The following PDE11A variants were observed in gnomAD, a reference collection of about 807,000 sequenced individuals.
PDE11A encodes the protein dual 3',5'-cyclic-AMP and -GMP phosphodiesterase 11A.
Under a neutral mutation model 100.5 loss-of-function variants are expected in PDE11A, and 100 were observed. That is an observed-to-expected ratio of 1.00 (90% CI 0.85 to 1.18). The LOEUF is 1.18. Among genes scored for constraint, PDE11A ranks in the 50% most tolerant of loss-of-function variants. The pLI is 0.00. For synonymous variants in PDE11A, 381 were observed against 420.8 expected, an observed-to-expected ratio of 0.91 and a Z score of 1.16; for missense variants, 1,141 against 1,152.6, an observed-to-expected ratio of 0.99 and a Z score of 0.15.
intron 2 of PDE11A, among the ~76,000 whole-genome samples, chr2:177,964,935 A>C (rs972939833): frequency 6.6e-6 from 1 of 152,204 alleles, no homozygotes; most frequent in African/African-American, 2.4e-5. Flanking sequence ...AAGCTCTTTG[A>C]GAAACCTCCA....
intron 2 of PDE11A, among the ~76,000 whole-genome samples, chr2:177,905,673 T>C (rs1439956422): frequency 6.6e-6 from 1 of 152,244 alleles, no homozygotes; most frequent in African/African-American, 2.4e-5. Flanking sequence ...AGCTTGATTC[T>C]AGACCTATCT....
intron 4 of PDE11A, among the ~76,000 whole-genome samples, chr2:177,889,668 TG>T (rs957636714): frequency 2.2e-5 from 3 of 139,148 alleles, no homozygotes; most frequent in African/African-American, 8.5e-5. Flanking sequence ...TATTTCTTCT[TG>T]TTTTTAATCT....
In PDE11A at chr2:177,629,439, T is replaced by C; in HGVS notation, c.2770A>G (p.Ser924Gly). The C allele has an allele frequency of 6.5e-7, 1 of 1,545,844 alleles. No individual in the cohort carries two copies. The highest frequency in any genetic ancestry group is 8.8e-7 in the Non-Finnish European group (1 of 1,139,146). Residue 924 changes from serine (S) to glycine (G), a missense_variant, in exon 20 of 20, where the codon AGT becomes GGT. Ser to Gly is a moderately conservative substitution (Grantham distance 56). Coordinates refer to ENST00000286063, the MANE Select transcript of PDE11A (RefSeq NM_016953.4). Reference sequence around the variant, plus strand: ...CTGTCTTCCTTGGCTACCATAACACTGGCAGGGGAGGATGAGGCAGTTGAG... The same window carrying C: ...CTGTCTTCCTTGGCTACCATAACACCGGCAGGGGAGGATGAGGCAGTTGAG... ...LASTASSSPA[S>G]VMVAKEDRN
intron 2 of PDE11A, among the ~76,000 whole-genome samples, chr2:177,972,654 A>G (rs549542578): frequency 5.3e-5 from 8 of 152,312 alleles, no homozygotes; most frequent in African/African-American, 1.7e-4. Flanking sequence ...AAAAAGCTAT[A>G]AAGAAGATGG....
chr2:178,001,025 C>T (rs766081402), intron 2 of PDE11A, among the ~76,000 whole-genome samples: 17 of 151,248 alleles, frequency 1.1e-4, no homozygotes, highest in Non-Finnish European at 1.6e-4. Flanking sequence ...ACAAGTCAAG[C>T]GACCCTGGAC....
intron 2 of PDE11A, among the ~76,000 whole-genome samples, chr2:177,972,745 G>A (rs1210844011): frequency 6.6e-6 from 1 of 152,126 alleles, no homozygotes; most frequent in East Asian, 1.9e-4. Flanking sequence ...AGGCTAAGAA[G>A]TTAGAACAAG....
chr2:178,019,108 A>T (rs2086375676), intron 1 of PDE11A, among the ~76,000 whole-genome samples: 1 of 152,260 alleles, frequency 6.6e-6, no homozygotes, highest in Admixed American at 6.5e-5. Flanking sequence ...ATGCACAAAG[A>T]CTTTGCAGAA....
At chr2:177,707,686 A>G (rs564239270) in intron 13 of PDE11A, among the ~76,000 whole-genome samples, 5 of 152,246 alleles carry the variant, frequency 3.3e-5, no homozygotes, top group African/African-American at 9.6e-5. Context: ...AACTGTCTTA[A>G]TATCACGGTA....
chr2:177,877,154 T>C lies in PDE11A; in HGVS notation c.1303-1231A>G, dbSNP rs1004951395. Among the ~76,000 whole-genome samples the C allele has an allele frequency of 2.8e-5, 4 of 144,268 alleles. No individual in the cohort carries two copies. In the East Asian group the frequency reaches 7.7e-4, roughly 28 times the overall value. The allele number at this position is 144,268 out of a possible 152,430, so 94.6% of individuals were successfully genotyped here. On this transcript the variant is annotated intron_variant, in intron 4 of 19. Coordinates refer to ENST00000286063, the MANE Select transcript of PDE11A (RefSeq NM_016953.4). ...CAGCAAGTTAGGGGTGGAACTTCAC[T>C]GCAAACAAAGGTTATCTTTTTTTTT...
At chr2:177,919,651 T>A (rs181079407) in intron 2 of PDE11A, among the ~76,000 whole-genome samples, 34 of 152,268 alleles carry the variant, frequency 2.2e-4, no homozygotes, top group South Asian at 4.2e-4. Context: ...TATTAAAGAT[T>A]TTTTAATGGA....
intron 2 of PDE11A, among the ~76,000 whole-genome samples, chr2:177,918,257 A>G (rs2084983771): frequency 6.6e-6 from 1 of 152,218 alleles, no homozygotes; most frequent in Non-Finnish European, 1.5e-5. Context: ...ACAAACTAAG[A>G]TGCTAGCTTC....
In PDE11A at chr2:178,072,392, C is replaced by T. The variant is rs1467758518; in HGVS notation, c.46G>A (p.Asp16Asn). The change falls in exon 1 of 20, where the codon GAC (aspartate) becomes AAC (asparagine). Residue 16 changes from aspartate to asparagine, a missense_variant. Physicochemically the swap from Asp to Asn is conservative, Grantham distance 23 (BLOSUM62 1). Transcript: ENST00000286063. Reference sequence around the variant, plus strand: ...TCTTCAAACAACTCTGGGTGCCTGTCCAGGAAAGTTTCCACCTCCCCAAAG... The same window carrying T: ...TCTTCAAACAACTCTGGGTGCCTGTTCAGGAAAGTTTCCACCTCCCCAAAG... ...LDFGEVETFLDRHPELFEDYL... is the reference protein window; with the variant it reads ...LDFGEVETFLNRHPELFEDYL... The T allele has an allele frequency of 1.9e-6, 3 of 1,613,664 alleles. No individual in the cohort carries two copies. The highest frequency in any genetic ancestry group is 2.7e-5 in the African/African-American group (2 of 74,938).
intron 2 of PDE11A, among the ~76,000 whole-genome samples, chr2:177,906,485 T>C (rs1279369474): frequency 6.6e-6 from 1 of 152,190 alleles, no homozygotes. Flanking sequence ...CTGGGCATGA[T>C]CAACTCTGAC....
At chr2:177,717,322 C>T (rs1467963099) in intron 12 of PDE11A, among the ~76,000 whole-genome samples, 1 of 151,108 alleles carries the variant, frequency 6.6e-6, no homozygotes, top group Non-Finnish European at 1.5e-5. Context: ...CATCCATCTT[C>T]CTCCCAGGGC....
At chr2:178,036,336 A>G (rs2086613541) in intron 1 of PDE11A, among the ~76,000 whole-genome samples, 1 of 152,214 alleles carries the variant, frequency 6.6e-6, no homozygotes, top group Admixed American at 6.5e-5. Context: ...GGACTTCCTC[A>G]AGGAGAACTA....
At chr2:178,019,860 AT>A (rs1364110264) in intron 1 of PDE11A, among the ~76,000 whole-genome samples, 4 of 152,206 alleles carry the variant, frequency 2.6e-5, no homozygotes, top group Non-Finnish European at 5.9e-5. Context: ...GGAGATTGAG[AT>A]AAAGGTGAAA....
intron 6 of PDE11A, among the ~76,000 whole-genome samples, chr2:177,828,382 A>G (rs2083259342): frequency 6.6e-6 from 1 of 152,190 alleles, no homozygotes; most frequent in Non-Finnish European, 1.5e-5. Flanking sequence ...TTTACTAAAC[A>G]TGGTTCTAGG....
chr2:177,789,549 CAGA>C (rs1261211565), intron 9 of PDE11A, among the ~76,000 whole-genome samples: 2 of 151,488 alleles, frequency 1.3e-5, no homozygotes, highest in African/African-American at 4.9e-5. Context: ...GACAATTAGG[CAGA>C]AGAAGGAAAT....
intron 14 of PDE11A, among the ~76,000 whole-genome samples, chr2:177,699,203 A>T (rs1050974982): frequency 2.4e-4 from 37 of 152,204 alleles, no homozygotes; most frequent in African/African-American, 8.9e-4. Flanking sequence ...GCTATATGGG[A>T]TAGCCTATTG....
Sources: allele counts gnomAD v4.1 joint callset (sites outside exome capture counted in the v4.1 genomes callset), GRCh38; gene constraint gnomAD v4.1.1; transcripts MANE v1.5; gene names NCBI Gene and HGNC (gene_info 2026-07-23, HGNC 2026-07-21).